The following ACACB variants were observed in gnomAD, a reference collection of about 807,000 sequenced individuals.
ACACB encodes the protein acetyl-CoA carboxylase 2.
ACACB carries 209 observed loss-of-function variants against 278.8 expected under a neutral mutation model. The observed-to-expected ratio is 0.75, with a 90% CI of 0.67 to 0.84. The LOEUF (loss-of-function observed/expected upper bound fraction) is 0.84, where lower values mean the gene tolerates loss of function less well. Among genes scored for constraint, ACACB ranks in the 40% least tolerant of loss-of-function variants. ACACB has a pLI of 0.00. For synonymous variants in ACACB, 1,174 were observed against 1,285.6 expected (o/e 0.91, Z 1.86); for missense variants, 2,850 against 3,269.0 (o/e 0.87, Z 3.13).
At position 109,212,727 on chromosome 12, in the gene ACACB, C is replaced by CCA. The variant is rs1469356897; in HGVS notation, c.3250-107_3250-106dup. 5 of 857,756 alleles carry CCA rather than the reference C, an allele frequency of 5.8e-6. No individual in the cohort carries two copies. The African/African-American group carries it at 8.3e-5, about 14-fold the overall frequency. The allele number at this position is 857,756 out of a possible 1,614,324, so 53.1% of individuals were successfully genotyped here. A position where few individuals can be genotyped will look rare whatever the true frequency, so the allele number is the denominator to read the frequency against. On this transcript the variant is annotated intron_variant, in intron 21 of 52. Transcript: ENST00000338432. ...CACTGTTCAGCCAGTTCCTAACAGG[C>CCA]CACGGACCAGTGCTCGTTTGGGTAC...
intron 12 of ACACB, among the ~76,000 whole-genome samples, chr12:109,187,467 A>G (rs886324114): frequency 1.3e-5 from 2 of 149,652 alleles, no homozygotes; most frequent in Admixed American, 6.7e-5. Context: ...TTATTTATTT[A>G]TTTATTTATT....
intron 2 of ACACB, among the ~76,000 whole-genome samples, chr12:109,153,889 C>G (rs986291284): frequency 6.6e-6 from 1 of 152,136 alleles, no homozygotes; most frequent in African/African-American, 2.4e-5. Flanking sequence ...CCTCAAACTC[C>G]TGACCTCAAG....
chr12:109,227,732 A>T (rs1328131269), intron 28 of ACACB, among the ~76,000 whole-genome samples: 1 of 152,232 alleles, frequency 6.6e-6, no homozygotes, highest in African/African-American at 2.4e-5. Flanking sequence ...GCCTATTTAC[A>T]TTAAAATGAA....
chr12:109,138,145 C>T (rs1174936856), intron 1 of ACACB, among the ~76,000 whole-genome samples: 2 of 152,188 alleles, frequency 1.3e-5, no homozygotes, highest in Admixed American at 1.3e-4. Context: ...CTCAGGTGAT[C>T]TGCCCGCCTC....
In ACACB at chr12:109,246,161, C is replaced by T. The variant is rs539051433; in HGVS notation, c.5302-18C>T. On this transcript the variant is annotated intron_variant, in intron 38 of 52. Coordinates refer to ENST00000338432, the MANE Select transcript of ACACB (RefSeq NM_001093.4). ...AAGAAACAAACTCATTTTCCTTGTG[C>T]ATTCATCCCCTTGCCAGGTGGGCAT... 15 of 1,600,090 alleles carry T rather than the reference C, an allele frequency of 9.4e-6. No individual in the cohort carries two copies. Among genetic ancestry groups the T allele is most frequent in the African/African-American group, 2.7e-5 (2 of 74,516 alleles).
intron 21 of ACACB, among the ~76,000 whole-genome samples, chr12:109,210,418 T>C (rs1310000077): frequency 7.8e-6 from 1 of 128,216 alleles, no homozygotes; most frequent in Non-Finnish European, 1.6e-5. Context: ...CACACATGTG[T>C]ATATATGTAT....
At chr12:109,175,198 T>A (rs1007049330) in intron 7 of ACACB, among the ~76,000 whole-genome samples, 3 of 152,166 alleles carry the variant, frequency 2.0e-5, no homozygotes, top group Admixed American at 6.5e-5. Flanking sequence ...AATAGGACCG[T>A]CTCAAAAGTT....
At position 109,233,651 on chromosome 12, in the gene ACACB, G is replaced by A; in HGVS notation, c.4140-97G>A. 3 of 988,062 alleles carry A rather than the reference G, an allele frequency of 3.0e-6. No individual in the cohort carries two copies. The South Asian group carries it at 4.4e-5, about 14-fold the overall frequency. 61.2% of individuals were successfully genotyped at this position (988,062 alleles called of 1,614,324 possible). The stretch of plus-strand genomic sequence containing the variant: ...TCAAAGGGTGTTGGCTGGGAAATTG[G>A]GAGGGTCTGGCGTTCCCTGCTGCCT... On this transcript the variant is annotated intron_variant, in intron 29 of 52. Transcript: ENST00000338432.
Position 109,209,140 on chromosome 12 carries a change from G to T in ACACB, c.3061-25G>T, listed in dbSNP as rs1454774182. 7 of 1,568,460 alleles carry T rather than the reference G, an allele frequency of 4.5e-6. No individual in the cohort carries two copies. The Admixed American group carries it at 1.3e-4, about 29-fold the overall frequency. ...TGCCCATGCCCATGCAGGGCTGGGG[G>T]CTGATGCTGTGGTCCCCGCTTCAGC... is the stretch of plus-strand genomic sequence containing the variant. On this transcript the variant is annotated intron_variant, in intron 20 of 52. Transcript: ENST00000338432.
At position 109,180,083 on chromosome 12, in the gene ACACB, TA is replaced by T. The variant is rs1453448450; in HGVS notation, c.1815del (p.Gln606ArgfsTer11). 1 of 1,610,092 alleles carries T rather than the reference TA, an allele frequency of 6.2e-7. No individual in the cohort carries two copies. ...GATGTTAATCTGCCGGCCGCCCAGC[TA>T]CAGGTGAGAAAATGGGCTTGGGGCC... ...IADVNLPAAQLQIAMGVPLHR... is the reference protein window; with the variant it reads ...IADVNLPAAQXQIAMGVPLHR... On this transcript the variant is annotated frameshift_variant, in exon 11 of 53. Coordinates refer to ENST00000338432, the MANE Select transcript of ACACB (RefSeq NM_001093.4). LOFTEE classifies it high-confidence loss of function.
chr12:109,231,900 G>C lies in ACACB; in HGVS notation c.4002-769G>C, dbSNP rs1269449026. On this transcript the variant is annotated intron_variant, in intron 28 of 52. Transcript: ENST00000338432. The stretch of plus-strand genomic sequence containing the variant: ...AATCTCAGGCTTGCAGAAGAAAGCA[G>C]GTGTTCAGCATAAACCACACTGTTT... Among the ~76,000 whole-genome samples, 54 of 152,192 alleles carry C rather than the reference G, an allele frequency of 3.5e-4. 1 individual carries two copies. The highest frequency in any genetic ancestry group is 3.5e-3 in the Admixed American group (53 of 15,272).
intron 9 of ACACB, among the ~76,000 whole-genome samples, chr12:109,178,720 A>C (rs555905160): frequency 6.6e-6 from 1 of 152,234 alleles, no homozygotes; most frequent in Non-Finnish European, 1.5e-5. Context: ...GCAGCACAGC[A>C]GAGAAGGATC....
chr12:109,177,942 C>A (rs2044333181), intron 9 of ACACB, among the ~76,000 whole-genome samples: 1 of 152,202 alleles, frequency 6.6e-6, no homozygotes, highest in Non-Finnish European at 1.5e-5. Context: ...CATGTGCACA[C>A]AGATGCCCAA....
intron 20 of ACACB, among the ~76,000 whole-genome samples, chr12:109,207,541 C>A (rs957246265): frequency 2.6e-4 from 40 of 152,324 alleles, no homozygotes; most frequent in African/African-American, 8.9e-4. Flanking sequence ...GATTTGCAGA[C>A]CTCCTTGAAA....
chr12:109,174,382 A>T (rs900586796), intron 7 of ACACB, 152 bp downstream of exon 7: 49 of 613,882 alleles, frequency 8.0e-5, no homozygotes, highest in Non-Finnish European at 4.3e-5. Flanking sequence ...ATATTTTAAA[A>T]TTTTAAATTA....
chr12:109,117,465 T>C (rs1451566700), intron 1 of ACACB, among the ~76,000 whole-genome samples: 1 of 152,008 alleles, frequency 6.6e-6, no homozygotes, highest in African/African-American at 2.4e-5. Flanking sequence ...TTTCTTTCAA[T>C]GTTGAAAAAA....
chr12:109,192,016 G>T (rs1453398014), intron 15 of ACACB, 66 bp downstream of exon 15: 4 of 1,528,354 alleles, frequency 2.6e-6, no homozygotes, highest in Non-Finnish European at 3.6e-6. Flanking sequence ...GGCTGAATCT[G>T]TCTCCTTTAT....
chr12:109,119,390 G>C (rs576523388), intron 1 of ACACB, among the ~76,000 whole-genome samples: 1 of 151,868 alleles, frequency 6.6e-6, no homozygotes, highest in African/African-American at 2.4e-5. Context: ...AGGAGTTTGA[G>C]ACCAACCTGG....
At chr12:109,232,873 C>A (rs2046514936) in intron 29 of ACACB, 67 bp downstream of exon 29, 3 of 1,584,948 alleles carry the variant, frequency 1.9e-6, no homozygotes. Context: ...CTTGAATCCC[C>A]CCCCAATTCA....
Sources: allele counts gnomAD v4.1 joint callset (sites outside exome capture counted in the v4.1 genomes callset), GRCh38; gene constraint gnomAD v4.1.1; transcripts MANE v1.5; gene names NCBI Gene and HGNC (gene_info 2026-07-23, HGNC 2026-07-21).